DCDC2: variants seen among roughly 807,000 people sequenced by gnomAD.
DCDC2 encodes doublecortin domain containing 2, also known as doublecortin domain-containing protein 2.
In DCDC2, 40 loss-of-function variants were observed where a neutral mutation model predicts 50.2. That is an observed-to-expected ratio of 0.80 (90% confidence interval 0.62 to 1.04). The LOEUF (loss-of-function observed/expected upper bound fraction) is 1.04, where lower values mean the gene tolerates loss of function less well. Among genes scored for constraint, DCDC2 ranks in the 50% least tolerant of loss-of-function variants. DCDC2 has a pLI of 0.00. For missense variants in DCDC2, 570 were observed against 581.9 expected (o/e 0.98, Z 0.21); for synonymous variants, 234 against 210.6 (o/e 1.11, Z -0.96).
At chr6:24,368,139 GAAAAAAAT>G in the DCDC2 span, among the ~76,000 whole-genome samples, 1 of 151,458 alleles carries the variant, frequency 6.6e-6, no homozygotes, top group East Asian at 1.9e-4. Flanking sequence ...TAAAAAAAAA[GAAAAAAAT>G]AACAAATAAG....
chr6:24,298,953 T>C (rs2113836076), intron 4 of DCDC2, among the ~76,000 whole-genome samples: 1 of 152,308 alleles, frequency 6.6e-6, no homozygotes, highest in African/African-American at 2.4e-5. Context: ...CATGTACATG[T>C]AATAGCAAAA....
intron 2 of DCDC2, among the ~76,000 whole-genome samples, chr6:24,318,777 G>A (rs1212278847): frequency 2.0e-5 from 3 of 148,128 alleles, no homozygotes; most frequent in African/African-American, 4.9e-5. Context: ...TTTTATATAC[G>A]TACGTGTGTG....
chr6:24,286,551 C>A (rs1008001966), intron 6 of DCDC2, among the ~76,000 whole-genome samples: 1 of 151,270 alleles, frequency 6.6e-6, no homozygotes, highest in African/African-American at 2.4e-5. Context: ...CATGATCATG[C>A]CACTGTACAC....
chr6:24,283,067 A>G (rs1040092019), intron 6 of DCDC2, among the ~76,000 whole-genome samples: 2 of 152,202 alleles, frequency 1.3e-5, no homozygotes, highest in South Asian at 4.1e-4. Context: ...AGGACAACAA[A>G]AGATCATTTA....
At chr6:24,290,421 A>T (rs1348615790) in intron 5 of DCDC2, among the ~76,000 whole-genome samples, 1 of 152,126 alleles carries the variant, frequency 6.6e-6, no homozygotes, top group Non-Finnish European at 1.5e-5. Context: ...AATCCTTAAA[A>T]TTTTACATGA....
chr6:24,340,336 A>G (rs1760132270), intron 2 of DCDC2, among the ~76,000 whole-genome samples: 1 of 152,230 alleles, frequency 6.6e-6, no homozygotes, highest in South Asian at 2.1e-4. Flanking sequence ...ATTAATTAAA[A>G]TAGAAATAAC....
chr6:24,243,800 C>T (rs908987734), intron 7 of DCDC2, among the ~76,000 whole-genome samples: 9 of 152,128 alleles, frequency 5.9e-5, no homozygotes, highest in African/African-American at 2.2e-4. Context: ...GACAAGCAAA[C>T]AGAGGCAACC....
rs182611438 is a variant in DCDC2 at position 24,285,190 on chromosome 6, G to C, written c.759+3662C>G. The stretch of plus-strand genomic sequence containing the variant: ...TTTGGAATGGATGACGGATGGAGTG[G>C]ATGAATACAGGGTGCTACGGGAACA... On this transcript the variant is annotated intron_variant, in intron 6 of 9. Transcript: ENST00000378454. Among the ~76,000 whole-genome samples, 485 of 152,276 alleles carry C rather than the reference G, an allele frequency of 3.2e-3. 1 individual carries two copies. Among genetic ancestry groups the C allele is most frequent in the Non-Finnish European group, 5.2e-3 (351 of 68,012 alleles).
At chr6:24,319,480 TTG>T (rs759319439) in intron 2 of DCDC2, among the ~76,000 whole-genome samples, 12 of 152,158 alleles carry the variant, frequency 7.9e-5, no homozygotes, top group Admixed American at 3.3e-4. Context: ...TTTGTTTTGT[TTG>T]TCTTTTTCTC....
At chr6:24,381,858 G>GGAAC in the DCDC2 span, among the ~76,000 whole-genome samples, 1 of 123,074 alleles carries the variant, frequency 8.1e-6, no homozygotes, top group Non-Finnish European at 1.7e-5. Context: ...AAGGAAGGAA[G>GGAAC]GAGAAATAAA....
At chr6:24,358,069 C>A, upstream of DCDC2, 1 of 894,804 alleles carries the variant, frequency 1.1e-6, no homozygotes, top group Non-Finnish European at 1.7e-6. Context: ...TGAGCAGGAG[C>A]CGGAAACGCG....
At chr6:24,189,785 G>A (rs1481676877) in intron 8 of DCDC2, among the ~76,000 whole-genome samples, 1 of 152,076 alleles carries the variant, frequency 6.6e-6, no homozygotes, top group African/African-American at 2.4e-5. Flanking sequence ...TACCTTAGAT[G>A]TCCATTTTTT....
chr6:24,229,740 G>A (rs954472779), intron 7 of DCDC2, among the ~76,000 whole-genome samples: 1 of 152,142 alleles, frequency 6.6e-6, no homozygotes, highest in Non-Finnish European at 1.5e-5. Context: ...GCCCATAAAT[G>A]GAGATACACT....
chr6:24,275,570 C>G (rs1420845233), intron 7 of DCDC2, among the ~76,000 whole-genome samples: 1 of 152,144 alleles, frequency 6.6e-6, no homozygotes, highest in Non-Finnish European at 1.5e-5. Flanking sequence ...CTAAAACCTT[C>G]CTTTAAAAGA....
chr6:24,266,782 T>C (rs1763131174), intron 7 of DCDC2, among the ~76,000 whole-genome samples: 1 of 152,178 alleles, frequency 6.6e-6, no homozygotes, highest in African/African-American at 2.4e-5. Context: ...AACTACCATA[T>C]GATCCAGTAA....
intron 7 of DCDC2, among the ~76,000 whole-genome samples, chr6:24,236,658 A>G (rs1036642142): frequency 6.6e-6 from 1 of 152,180 alleles, no homozygotes; most frequent in Non-Finnish European, 1.5e-5. Flanking sequence ...AAAGCCTAAC[A>G]TCTTGAATTA....
chr6:24,326,658 A>G (rs1272770271), intron 2 of DCDC2, among the ~76,000 whole-genome samples: 1 of 148,706 alleles, frequency 6.7e-6, no homozygotes, highest in African/African-American at 2.4e-5. Flanking sequence ...AGAGTTCAAG[A>G]CCAGCCTGGG....
chr6:24,288,826 C>G, intron 6 of DCDC2, 26 bp downstream of exon 6: 2 of 1,594,030 alleles, frequency 1.3e-6, no homozygotes, highest in Non-Finnish European at 1.7e-6. Context: ...TATAGAACAT[C>G]AACGAGGAAA....
At chr6:24,287,179 A>T (rs1245516985) in intron 6 of DCDC2, among the ~76,000 whole-genome samples, 1 of 152,134 alleles carries the variant, frequency 6.6e-6, no homozygotes, top group East Asian at 1.9e-4. Context: ...CTACCATGTC[A>T]GGCACATCAG....
Sources: gnomAD v4.1 joint callset for allele counts (sites outside exome capture counted in the v4.1 genomes callset) on GRCh38, gnomAD v4.1.1 for gene constraint, MANE v1.5 for transcripts, NCBI Gene and HGNC (gene_info 2026-07-23, HGNC 2026-07-21) for gene names.